Variants in RIPOR3 observed in about 807,000 individuals in gnomAD.
The protein encoded by RIPOR3 is family with sequence similarity 65 member C.
RIPOR3 carries 95 observed loss-of-function variants against 114.3 expected under a neutral mutation model. The ratio of observed to expected loss-of-function variants is 0.83; its 90% confidence interval spans 0.70 to 0.99. RIPOR3 has a LOEUF of 0.99. Ranked by LOEUF, RIPOR3 falls within the 50% of genes least tolerant of loss-of-function variation. The probability of loss-of-function intolerance (pLI) is 0.00; values close to 1 mark genes in which losing one functional copy is unlikely to be tolerated. For missense variants in RIPOR3, 1,252 were observed against 1,266.9 expected (o/e 0.99, Z 0.18); for synonymous variants, 575 against 543.8 (o/e 1.06, Z -0.80).
chr20:50,591,345 TA>T (rs892051950), intron 19 of RIPOR3, among the ~76,000 whole-genome samples: 107 of 152,316 alleles, frequency 7.0e-4, no homozygotes, highest in African/African-American at 2.6e-3. Context: ...GTTAACTATT[TA>T]AGGTCAAATA....
At position 50,596,245 on chromosome 20, in the gene RIPOR3, G is replaced by A. The variant is rs2083285068; in HGVS notation, c.1809C>T (p.Pro603=). ...SQGLRKDRPL[P]PPSSLKASSR... The stretch of plus-strand genomic sequence containing the variant: ...ATGACGCTTTCAGTGATGACGGTGG[G>A]GGCAGGGGCCGGTCCTTTCTGAGTT... Residue 603 remains proline (P), a synonymous_variant, in exon 15 of 22, where the codon CCC becomes CCT. Coordinates refer to ENST00000327979, the MANE Select transcript of RIPOR3 (RefSeq NM_001290268.2). 6.2e-7 allele frequency: 1 copy of A among 1,614,060 alleles called. No individual in the cohort carries two copies. The highest frequency in any genetic ancestry group is 8.5e-7 in the Non-Finnish European group (1 of 1,180,046).
At chr20:50,633,987 T>C (rs1311037184) in intron 1 of RIPOR3, among the ~76,000 whole-genome samples, 56 of 147,288 alleles carry the variant, frequency 3.8e-4, no homozygotes, top group South Asian at 1.5e-3. Context: ...TTTCTTTTTT[T>C]TTTTTTTTTT....
At chr20:50,661,541 T>C (rs570248118) in intron 1 of RIPOR3, among the ~76,000 whole-genome samples, 13 of 152,176 alleles carry the variant, frequency 8.5e-5, no homozygotes, top group Non-Finnish European at 1.9e-4. Flanking sequence ...TTCAAAACAG[T>C]GTCCCTGCAA....
At chr20:50,645,280 AC>A (rs1407693842) in intron 1 of RIPOR3, among the ~76,000 whole-genome samples, 1 of 152,200 alleles carries the variant, frequency 6.6e-6, no homozygotes, top group Non-Finnish European at 1.5e-5. Flanking sequence ...AGGCAGGAGC[AC>A]CGTTGTGTCC....
intron 1 of RIPOR3, among the ~76,000 whole-genome samples, chr20:50,641,389 A>T (rs931306612): frequency 4.6e-5 from 7 of 151,752 alleles, no homozygotes; most frequent in Non-Finnish European, 1.0e-4. Flanking sequence ...TAATTTTTTT[A>T]AAATTTCTTT....
At chr20:50,621,589 A>C (rs1350015008) in intron 2 of RIPOR3, among the ~76,000 whole-genome samples, 2 of 152,202 alleles carry the variant, frequency 1.3e-5, no homozygotes, top group Non-Finnish European at 2.9e-5. Flanking sequence ...AGAAGGGAGA[A>C]GTGTTTTTTC....
chr20:50,652,000 C>T (rs2085627889), intron 1 of RIPOR3, among the ~76,000 whole-genome samples: 1 of 152,246 alleles, frequency 6.6e-6, no homozygotes, highest in African/African-American at 2.4e-5. Context: ...GGTCTTTGAA[C>T]TCCCCCTCGG....
chr20:50,632,536 C>G (rs1039643611), intron 1 of RIPOR3, among the ~76,000 whole-genome samples: 1 of 152,206 alleles, frequency 6.6e-6, no homozygotes, highest in African/African-American at 2.4e-5. Flanking sequence ...CATTTGCTGA[C>G]CACTCGCTGT....
rs1244626817 is a variant in RIPOR3 at position 50,589,687 on chromosome 20, T to G, written c.2660A>C (p.Lys887Thr). Reference sequence around the variant, plus strand: ...CTAATGGGGAAACGTCAGGCTCACCTTGAGGTGTTTGAGCGCTAGGCATGC... The same window carrying G: ...CTAATGGGGAAACGTCAGGCTCACCGTGAGGTGTTTGAGCGCTAGGCATGC... ...QAACLALKHLKGIESIDQTAS... is the reference protein window; with the variant it reads ...QAACLALKHLTGIESIDQTAS... The change falls in exon 20 of 22, where the codon AAG becomes ACG. Residue 887 changes from lysine to threonine, a missense_variant and splice_region_variant. By Grantham distance (78) the Lys-to-Thr change is moderately conservative. Transcript: ENST00000327979. 2 of 1,613,498 alleles carry G rather than the reference T, an allele frequency of 1.2e-6. No homozygotes were observed. The highest frequency in any genetic ancestry group is 2.2e-5 in the South Asian group (2 of 90,988).
rs1425487868 is a variant in RIPOR3, at chr20:50,587,291, A to G, written c.2794T>C (p.Cys932Arg). The change falls in exon 22 of 22, where the codon TGC (cysteine) becomes CGC (arginine). Residue 932 changes from cysteine (C) to arginine (R), a missense_variant. Physicochemically the swap from Cys to Arg is radical, Grantham distance 180. Transcript: ENST00000327979. Reference sequence around the variant, plus strand: ...CAAAAGACTTCTCTTTGTTCTGAGCAGAGCTTGTCCATCTTCTCAAAAGCT... The same window carrying G: ...CAAAAGACTTCTCTTTGTTCTGAGCGGAGCTTGTCCATCTTCTCAAAAGCT... Reference protein sequence around the residue: ...RLAFEKMDKLCSEQREVFCQE... With the variant: ...RLAFEKMDKLRSEQREVFCQE... 3.1e-6 allele frequency: 5 copies of G among 1,614,240 alleles called. No individual in the cohort carries two copies. The highest frequency in any genetic ancestry group is 2.7e-5 in the African/African-American group (2 of 75,078).
intron 14 of RIPOR3, 150 bp from the exon 15 acceptor site, chr20:50,596,413 A>C: frequency 8.7e-7 from 1 of 1,151,486 alleles, no homozygotes; most frequent in South Asian, 1.5e-5. Flanking sequence ...GGAAAGGAAC[A>C]AAGGGTGGCA....
chr20:50,609,846 G>A, intron 6 of RIPOR3, 124 bp from the exon 7 acceptor site: 1 of 1,144,230 alleles, frequency 8.7e-7, no homozygotes. Context: ...CCCAGCCCAT[G>A]GTGACAGTCA....
chr20:50,618,298 A>G (rs987268094), intron 3 of RIPOR3, among the ~76,000 whole-genome samples: 1 of 141,500 alleles, frequency 7.1e-6, no homozygotes, highest in African/African-American at 2.5e-5. Flanking sequence ...AAAAAAAAAA[A>G]AAAGGCGTAA....
chr20:50,666,555 G>GT (rs2086255384), intron 1 of RIPOR3, among the ~76,000 whole-genome samples: 1 of 148,076 alleles, frequency 6.8e-6, no homozygotes, highest in Admixed American at 6.8e-5. Flanking sequence ...TGTTTTGTTT[G>GT]TTTTTTGTTG....
intron 13 of RIPOR3, among the ~76,000 whole-genome samples, chr20:50,600,663 G>C (rs1017370107): frequency 6.6e-6 from 1 of 152,114 alleles, no homozygotes; most frequent in South Asian, 2.1e-4. Context: ...AGGAGGCTGA[G>C]GGGGGAGGAT....
chr20:50,611,803 C>T (rs567615865), intron 4 of RIPOR3, among the ~76,000 whole-genome samples: 35 of 152,098 alleles, frequency 2.3e-4, no homozygotes, highest in Non-Finnish European at 5.0e-4. Context: ...TGGCAGGCCA[C>T]GGCGCCCCAT....
intron 1 of RIPOR3, among the ~76,000 whole-genome samples, chr20:50,648,852 G>C (rs1179129114): frequency 1.3e-5 from 2 of 152,126 alleles, no homozygotes; most frequent in Admixed American, 1.3e-4. Context: ...ATGGGGAGTG[G>C]TTCTAAATAC....
chr20:50,679,300 A>G (rs2086784827), intron 1 of RIPOR3, among the ~76,000 whole-genome samples: 1 of 150,250 alleles, frequency 6.7e-6, no homozygotes, highest in African/African-American at 2.4e-5. Flanking sequence ...AAAATTTAAA[A>G]AAGAGGCACC....
At chr20:50,604,902 G>T in intron 11 of RIPOR3, 128 bp from the exon 12 acceptor site, 3 of 1,155,604 alleles carry the variant, frequency 2.6e-6, no homozygotes, top group South Asian at 1.5e-5. Context: ...AGCATGGATG[G>T]TGTGTGAGGA....
Sources: allele counts gnomAD v4.1 joint callset (sites outside exome capture counted in the v4.1 genomes callset), GRCh38; gene constraint gnomAD v4.1.1; transcripts MANE v1.5; gene names NCBI Gene and HGNC (gene_info 2026-07-23, HGNC 2026-07-21).